The following REDIC1 variants were observed in gnomAD, a reference collection of about 807,000 sequenced individuals.
REDIC1 encodes HEI10 Interacting Protein 1.
At chr12:39,748,375 T>C in the REDIC1 span, among the ~76,000 whole-genome samples, 40 of 152,230 alleles carry the variant, frequency 2.6e-4, no homozygotes, top group Admixed American at 8.5e-4. Flanking sequence ...GCTAACTATC[T>C]TAAATATATA....
chr12:39,778,739 A>C, the REDIC1 span, among the ~76,000 whole-genome samples: 1 of 152,178 alleles, frequency 6.6e-6, no homozygotes, highest in Non-Finnish European at 1.5e-5. Context: ...ACATTGCCCC[A>C]GGTGTTGGAC....
At chr12:39,673,211 C>A in the REDIC1 span, among the ~76,000 whole-genome samples, 1 of 152,088 alleles carries the variant, frequency 6.6e-6, no homozygotes, top group African/African-American at 2.4e-5. Flanking sequence ...CTTTCATTTT[C>A]TCTTTGAAGT....
chr12:39,709,161 G>C, the REDIC1 span, among the ~76,000 whole-genome samples: 1 of 150,786 alleles, frequency 6.6e-6, no homozygotes, highest in African/African-American at 2.4e-5. Flanking sequence ...AGCTACTTTA[G>C]CATGAATATA....
chr12:39,631,104 G>A, the REDIC1 span, among the ~76,000 whole-genome samples: 4 of 152,144 alleles, frequency 2.6e-5, no homozygotes. Context: ...TGGCCAGGCT[G>A]GTCTCAAACT....
the REDIC1 span, among the ~76,000 whole-genome samples, chr12:39,700,107 G>C: frequency 6.6e-6 from 1 of 152,210 alleles, no homozygotes; most frequent in African/African-American, 2.4e-5. Context: ...TTGACGAGCT[G>C]AGAGAAGAAG....
chr12:39,768,323 G>A, the REDIC1 span, among the ~76,000 whole-genome samples: 1 of 152,066 alleles, frequency 6.6e-6, no homozygotes, highest in African/African-American at 2.4e-5. Context: ...CGGCAATAAG[G>A]CTGTTTCACT....
chr12:39,749,952 G>A, the REDIC1 span, among the ~76,000 whole-genome samples: 4 of 152,156 alleles, frequency 2.6e-5, no homozygotes, highest in African/African-American at 4.8e-5. Flanking sequence ...CAGACCCACA[G>A]CCAATATCAT....
the REDIC1 span, among the ~76,000 whole-genome samples, chr12:39,778,113 G>T: frequency 6.6e-6 from 1 of 152,074 alleles, no homozygotes; most frequent in East Asian, 1.9e-4. Flanking sequence ...GCAGCAGGGC[G>T]GTGAAGAAGT....
chr12:39,866,399 A>G, the REDIC1 span, among the ~76,000 whole-genome samples: 3 of 152,162 alleles, frequency 2.0e-5, no homozygotes, highest in South Asian at 4.1e-4. Flanking sequence ...CCATAATTCA[A>G]TGTTGTCTTT....
the REDIC1 span, among the ~76,000 whole-genome samples, chr12:39,874,010 C>T: frequency 1.3e-5 from 2 of 152,196 alleles, no homozygotes; most frequent in Non-Finnish European, 2.9e-5. Context: ...AATCCTGTTG[C>T]TGCCCTCAAG....
the REDIC1 span, among the ~76,000 whole-genome samples, chr12:39,817,694 A>G: frequency 0.043 from 6,537 of 152,286 alleles, 206 homozygotes; most frequent in Middle Eastern, 0.11. Flanking sequence ...GTTTTTACAT[A>G]CTTTATATAT....
the REDIC1 span, among the ~76,000 whole-genome samples, chr12:39,881,313 G>A: frequency 2.0e-5 from 3 of 151,836 alleles, no homozygotes; most frequent in African/African-American, 7.3e-5. Context: ...ATGACAATAT[G>A]AGTGTGGTTT....
the REDIC1 span, among the ~76,000 whole-genome samples, chr12:39,837,965 A>AT: frequency 6.6e-6 from 1 of 151,252 alleles, no homozygotes; most frequent in African/African-American, 2.4e-5. Context: ...TAGAAATACC[A>AT]TTTGACCCAG....
chr12:39,654,310 G>A, the REDIC1 span, among the ~76,000 whole-genome samples: 2 of 151,418 alleles, frequency 1.3e-5, no homozygotes, highest in Non-Finnish European at 2.9e-5. Flanking sequence ...GGTGTAGGCC[G>A]GGCGTGGTGG....
At chr12:39,770,415 C>T in the REDIC1 span, among the ~76,000 whole-genome samples, 1 of 152,152 alleles carries the variant, frequency 6.6e-6, no homozygotes, top group Non-Finnish European at 1.5e-5. Context: ...CGTGACTCTA[C>T]CACTTAATAG....
the REDIC1 span, among the ~76,000 whole-genome samples, chr12:39,641,610 T>A: frequency 6.6e-6 from 1 of 151,714 alleles, no homozygotes; most frequent in African/African-American, 2.4e-5. Flanking sequence ...AGTAATAGCA[T>A]AGCAGTGCAA....
At chr12:39,665,759 T>C in the REDIC1 span, among the ~76,000 whole-genome samples, 2 of 151,790 alleles carry the variant, frequency 1.3e-5, no homozygotes, top group Non-Finnish European at 2.9e-5. Flanking sequence ...TGAGCAGTGG[T>C]TTGTAGTTCT....
the REDIC1 span, among the ~76,000 whole-genome samples, chr12:39,635,482 T>G: frequency 6.6e-6 from 1 of 152,188 alleles, no homozygotes; most frequent in Admixed American, 6.5e-5. Context: ...GATGAATTTA[T>G]GTCCTTTGCG....
chr12:39,869,738 T>C, the REDIC1 span, among the ~76,000 whole-genome samples: 1 of 152,184 alleles, frequency 6.6e-6, no homozygotes, highest in Non-Finnish European at 1.5e-5. Context: ...AAACATGACA[T>C]AGGCCAGAAG....
Sources: allele counts gnomAD v4.1 joint callset (sites outside exome capture counted in the v4.1 genomes callset), GRCh38; gene constraint gnomAD v4.1.1; transcripts MANE v1.5; gene names NCBI Gene and HGNC (gene_info 2026-07-23, HGNC 2026-07-21).